SHISA9: variants seen among roughly 807,000 people sequenced by gnomAD.
SHISA9 encodes the protein shisa family member 9.
In SHISA9, 13 loss-of-function variants were observed where a neutral mutation model predicts 38.0. The observed-to-expected ratio is 0.34, with a 90% confidence interval of 0.22 to 0.54. The LOEUF is 0.54. SHISA9 is among the 20% of genes least tolerant of loss of function. SHISA9 has a pLI of 0.91. For missense variants in SHISA9, 538 were observed against 575.8 expected, an observed-to-expected ratio of 0.93 and a Z score of 0.67; for synonymous variants, 275 against 242.0, an observed-to-expected ratio of 1.14 and a Z score of -1.27.
chr16:13,504,529 C>A, the SHISA9 span, among the ~76,000 whole-genome samples: 1 of 152,086 alleles, frequency 6.6e-6, no homozygotes, highest in Non-Finnish European at 1.5e-5. Context: ...AAATTAATTT[C>A]AATACTTACA....
At chr16:13,113,178 C>A (rs1045750680) in intron 2 of SHISA9, among the ~76,000 whole-genome samples, 1 of 141,162 alleles carries the variant, frequency 7.1e-6, no homozygotes. Context: ...CTGCTGTACT[C>A]CAGCCTGGAC....
the SHISA9 span, among the ~76,000 whole-genome samples, chr16:13,399,256 A>T: frequency 2.2e-5 from 3 of 136,650 alleles, no homozygotes; most frequent in African/African-American, 6.0e-5. Flanking sequence ...CATCTCAATT[A>T]AAAAAAAAAA....
At chr16:13,261,243 G>C in the SHISA9 span, among the ~76,000 whole-genome samples, 1 of 152,096 alleles carries the variant, frequency 6.6e-6, no homozygotes, top group African/African-American at 2.4e-5. Flanking sequence ...TGGGAATTTA[G>C]GGTATTTTAG....
At chr16:12,951,041 G>C (rs1596545829) in intron 2 of SHISA9, among the ~76,000 whole-genome samples, 1 of 150,414 alleles carries the variant, frequency 6.6e-6, no homozygotes, top group East Asian at 2.0e-4. Flanking sequence ...GGCCTACATG[G>C]TGAAACCCCA....
rs2051369592 is a variant in SHISA9, at chr16:13,235,149, G to A, written c.1015G>A (p.Glu339Lys). The A allele has an allele frequency of 6.4e-7, 1 of 1,551,694 alleles. No individual in the cohort carries two copies. The highest frequency in any genetic ancestry group is 8.7e-7 in the Non-Finnish European group (1 of 1,147,010). ...VEDEPRAFSP[E>K]HGPAKQNGQK... is the part of the protein sequence containing the mutation. ...GGACGAGCCCCGGGCCTTCAGCCCT[G>A]AGCACGGTCCTGCCAAGCAGAATGG... Residue 339 changes from glutamate (E) to lysine (K), a missense_variant, in exon 5 of 5, where the codon GAG (glutamate) becomes AAG (lysine). Transcript: ENST00000558583.
chr16:13,096,055 T>C (rs1291805620), intron 2 of SHISA9, among the ~76,000 whole-genome samples: 1 of 152,242 alleles, frequency 6.6e-6, no homozygotes, highest in Non-Finnish European at 1.5e-5. Flanking sequence ...TACTTGAGTT[T>C]GAATCCCTGC....
intron 2 of SHISA9, among the ~76,000 whole-genome samples, chr16:13,197,386 G>A (rs1003111646): frequency 6.6e-6 from 1 of 152,084 alleles, no homozygotes; most frequent in African/African-American, 2.4e-5. Flanking sequence ...GAGAGACTTG[G>A]AGCATTCTCT....
chr16:13,320,136 C>T, the SHISA9 span, among the ~76,000 whole-genome samples: 1 of 151,284 alleles, frequency 6.6e-6, no homozygotes, highest in Non-Finnish European at 1.5e-5. Flanking sequence ...ACTGAAAATA[C>T]AAAAATTAGC....
chr16:13,366,334 A>G, the SHISA9 span, among the ~76,000 whole-genome samples: 1 of 152,368 alleles, frequency 6.6e-6, no homozygotes, highest in Non-Finnish European at 1.5e-5. Context: ...GGACACAGCT[A>G]TCTAAAAAGA....
chr16:13,544,890 C>T, the SHISA9 span, among the ~76,000 whole-genome samples: 45,711 of 151,878 alleles, frequency 0.3, 7,264 homozygotes, highest in Admixed American at 0.46. Context: ...TTGCAGTGTC[C>T]TGAGATCATG....
At chr16:13,271,300 A>C in the SHISA9 span, among the ~76,000 whole-genome samples, 2 of 152,172 alleles carry the variant, frequency 1.3e-5, no homozygotes, top group Non-Finnish European at 2.9e-5. Flanking sequence ...TTGTAGAATC[A>C]CCTGGAAAGC....
At chr16:13,514,073 C>A in the SHISA9 span, among the ~76,000 whole-genome samples, 1 of 152,156 alleles carries the variant, frequency 6.6e-6, no homozygotes, top group Non-Finnish European at 1.5e-5. Flanking sequence ...CGGCTCACTG[C>A]AACCTCTGTC....
chr16:13,403,762 C>T, the SHISA9 span, among the ~76,000 whole-genome samples: 24 of 152,154 alleles, frequency 1.6e-4, no homozygotes, highest in South Asian at 4.1e-4. Context: ...TGAAATGGCA[C>T]TCTTGAAAAG....
intron 2 of SHISA9, among the ~76,000 whole-genome samples, chr16:13,031,180 A>C (rs2072986866): frequency 6.6e-6 from 1 of 152,174 alleles, no homozygotes; most frequent in South Asian, 2.1e-4. Context: ...CCACAGTCCC[A>C]GATTTTAACC....
chr16:13,459,760 T>C, the SHISA9 span, among the ~76,000 whole-genome samples: 1 of 152,148 alleles, frequency 6.6e-6, no homozygotes, highest in Non-Finnish European at 1.5e-5. Flanking sequence ...TGTAACACAA[T>C]TAACTTAGAA....
chr16:13,256,689 G>A, the SHISA9 span, among the ~76,000 whole-genome samples: 2 of 152,232 alleles, frequency 1.3e-5, no homozygotes, highest in Non-Finnish European at 2.9e-5. Flanking sequence ...TGAGTGTAAA[G>A]TCAGGCAATT....
chr16:13,488,729 C>G, the SHISA9 span, among the ~76,000 whole-genome samples: 3 of 152,186 alleles, frequency 2.0e-5, no homozygotes, highest in African/African-American at 7.2e-5. Context: ...AATCACCTAA[C>G]AATGCATTCT....
At chr16:13,245,282 C>G (rs1294771330), downstream of SHISA9, among the ~76,000 whole-genome samples, 2 of 152,172 alleles carry the variant, frequency 1.3e-5, no homozygotes, top group Admixed American at 1.3e-4. Context: ...AAAGTAAAGA[C>G]ATGATATATT....
At position 12,902,557 on chromosome 16, in the gene SHISA9, G is replaced by GTGC; in HGVS notation, c.495_497dup (p.Leu166dup). 6.4e-7 allele frequency: 1 copy of GTGC among 1,551,316 alleles called. No homozygotes were observed. The highest frequency in any genetic ancestry group is 8.7e-7 in the Non-Finnish European group (1 of 1,146,990). ...CATCTGCGGGGTGGTGGCCGTCATG[G>GTGC]TGCTCGTGGGCATCTTCACCAAGCT... is the stretch of plus-strand genomic sequence containing the variant. On this transcript the variant is annotated inframe_insertion, in exon 1 of 5. Transcript: ENST00000558583.
Sources: gnomAD v4.1 joint callset for allele counts (sites outside exome capture counted in the v4.1 genomes callset) on GRCh38, gnomAD v4.1.1 for gene constraint, MANE v1.5 for transcripts, NCBI Gene and HGNC (gene_info 2026-07-23, HGNC 2026-07-21) for gene names.